The following DLG1 variants were observed in gnomAD, a reference collection of about 807,000 sequenced individuals.
DLG1 encodes the protein discs large MAGUK scaffold protein 1.
Under a neutral mutation model 123.4 loss-of-function variants are expected in DLG1, and 42 were observed. The observed-to-expected ratio is 0.34, with a 90% CI of 0.27 to 0.44. DLG1 has a LOEUF of 0.44. Among genes scored for constraint, DLG1 ranks in the 20% least tolerant of loss-of-function variants. The pLI is 1.00. For synonymous variants in DLG1, 317 were observed against 356.2 expected, an observed-to-expected ratio of 0.89 and a Z score of 1.24; for missense variants, 942 against 1,082.6, an observed-to-expected ratio of 0.87 and a Z score of 1.82.
chr3:197,147,689 AG>A (rs1404776537), intron 6 of DLG1, among the ~76,000 whole-genome samples: 4 of 152,078 alleles, frequency 2.6e-5, no homozygotes, highest in African/African-American at 9.7e-5. Context: ...GACTGGGGTG[AG>A]GGATAAAAGA....
In DLG1 at chr3:197,142,772, C is replaced by T. The variant is rs756566434; in HGVS notation, c.538-4G>A. 1.9e-6 allele frequency: 3 copies of T among 1,603,174 alleles called. No individual in the cohort carries two copies. Among genetic ancestry groups the T allele is most frequent in the South Asian group, 1.1e-5 (1 of 87,304 alleles). On this transcript the variant is annotated splice_polypyrimidine_tract_variant and splice_region_variant and intron_variant, in intron 6 of 24. Transcript: ENST00000667157. Reference sequence around the variant, plus strand: ...AATCTGCATCTGTGCCATTAACCTACAGGGGAAAAGAAAAGCAGCTCAGAA... The same window carrying T: ...AATCTGCATCTGTGCCATTAACCTATAGGGGAAAAGAAAAGCAGCTCAGAA...
At chr3:197,201,083 A>C (rs894308629) in intron 4 of DLG1, among the ~76,000 whole-genome samples, 19 of 152,316 alleles carry the variant, frequency 1.2e-4, no homozygotes, top group African/African-American at 3.6e-4. Context: ...TTTATCTAAA[A>C]AACTCTAAAG....
chr3:197,294,881 GTCTA>G (rs781676773), intron 3 of DLG1, among the ~76,000 whole-genome samples: 76 of 152,150 alleles, frequency 5.0e-4, no homozygotes, highest in Admixed American at 1.7e-3. Context: ...AAAGTCTGCA[GTCTA>G]TCTATCTGCC....
At chr3:197,277,119 T>C (rs946385666) in intron 4 of DLG1, among the ~76,000 whole-genome samples, 8 of 152,076 alleles carry the variant, frequency 5.3e-5, no homozygotes, top group African/African-American at 1.7e-4. Context: ...TTCGAACTTC[T>C]GAGCTTAAGC....
At position 197,140,121 on chromosome 3, in the gene DLG1, T is replaced by A. The variant is rs1371418344; in HGVS notation, c.713+19A>T. The stretch of plus-strand genomic sequence containing the variant: ...ACACAAAGTGGATTCAGCATCACAA[T>A]AAAAAGCGCAAAACATACCGCAATC... On this transcript the variant is annotated intron_variant, in intron 8 of 24. Coordinates refer to ENST00000667157, the MANE Select transcript of DLG1 (RefSeq NM_001366207.1). 3 of 1,607,234 alleles carry A rather than the reference T, an allele frequency of 1.9e-6. No homozygotes were observed. Among genetic ancestry groups the A allele is most frequent in the Admixed American group, 1.7e-5 (1 of 59,058 alleles).
chr3:197,186,820 C>T (rs566501283), intron 5 of DLG1, among the ~76,000 whole-genome samples: 1 of 152,256 alleles, frequency 6.6e-6, no homozygotes. Context: ...TCAATCCATG[C>T]TCCTGCCTCA....
At chr3:197,298,680 G>A, upstream of DLG1, 3 of 397,508 alleles carry the variant, frequency 7.5e-6, no homozygotes, top group Admixed American at 4.4e-5. Flanking sequence ...CGGGGAGGGC[G>A]GGGCCTGGGA....
chr3:197,129,514 T>C (rs892606617), intron 11 of DLG1, among the ~76,000 whole-genome samples: 3 of 152,234 alleles, frequency 2.0e-5, no homozygotes, highest in Non-Finnish European at 4.4e-5. Flanking sequence ...TCAGATTGTC[T>C]TGCTTTCTTA....
intron 4 of DLG1, among the ~76,000 whole-genome samples, chr3:197,253,736 A>C (rs1755543911): frequency 1.3e-5 from 2 of 152,162 alleles, no homozygotes; most frequent in South Asian, 4.1e-4. Flanking sequence ...AAAGGCCTCG[A>C]GTGATCTTTG....
chr3:197,105,484 A>G lies in DLG1; in HGVS notation c.1444-479T>C, dbSNP rs115826274. ...CTAAAACTTCCATTCTTTTGGTATA[A>G]TAGGAAAGCTATTATTTAGAAATAT... On this transcript the variant is annotated intron_variant, in intron 13 of 24. Transcript: ENST00000667157. Among the ~76,000 whole-genome samples the G allele has an allele frequency of 5.2e-3, 786 of 152,330 alleles. 7 individuals carry two copies. The highest frequency in any genetic ancestry group is 0.018 in the African/African-American group (741 of 41,582).
intron 4 of DLG1, among the ~76,000 whole-genome samples, chr3:197,248,742 T>A (rs1752975785): frequency 6.6e-6 from 1 of 151,872 alleles, no homozygotes; most frequent in Non-Finnish European, 1.5e-5. Flanking sequence ...TTATTTTTTG[T>A]ACCTAACAAC....
intron 4 of DLG1, among the ~76,000 whole-genome samples, chr3:197,281,599 TG>T (rs113905652): frequency 6.6e-6 from 1 of 152,064 alleles, no homozygotes; most frequent in African/African-American, 2.4e-5. Context: ...GAAAAAGTGA[TG>T]GAAAAAAAGT....
At chr3:197,188,882 T>TC (rs1461167072) in intron 5 of DLG1, among the ~76,000 whole-genome samples, 1 of 152,188 alleles carries the variant, frequency 6.6e-6, no homozygotes, top group African/African-American at 2.4e-5. Context: ...TTCCTTCAAT[T>TC]CCGGTTTTCT....
intron 22 of DLG1, 124 bp downstream of exon 22, chr3:197,065,148 ATTAT>A: frequency 1.2e-6 from 1 of 843,914 alleles, no homozygotes; most frequent in Non-Finnish European, 1.7e-6. Flanking sequence ...TGGAAAATTA[ATTAT>A]TTAGGTAAGC....
At chr3:197,180,735 T>G (rs910004116) in intron 5 of DLG1, among the ~76,000 whole-genome samples, 1 of 151,674 alleles carries the variant, frequency 6.6e-6, no homozygotes, top group African/African-American at 2.4e-5. Context: ...GTATGAAGAA[T>G]GGAGGGGAAG....
chr3:197,296,998 G>A (rs1474066137), intron 2 of DLG1, 188 bp downstream of exon 2: 3 of 643,658 alleles, frequency 4.7e-6, no homozygotes, highest in East Asian at 3.2e-5. Flanking sequence ...GAAATGTTAA[G>A]AAAGTTTAAC....
At chr3:197,102,806 C>T (rs748138691) in intron 14 of DLG1, among the ~76,000 whole-genome samples, 14 of 152,076 alleles carry the variant, frequency 9.2e-5, no homozygotes, top group South Asian at 2.1e-4. Context: ...TACAGTGAGC[C>T]GAGATTGTGC....
In DLG1 at chr3:197,058,276, C is replaced by T. The variant is rs559237809; in HGVS notation, c.2483+1613G>A. On this transcript the variant is annotated intron_variant, in intron 23 of 24. Transcript: ENST00000667157. ...ATTATAGGGGCCGGCCGTTGTGCCCCGCCTTCTTTTTCAGTTTCTCAAAAT... is the reference window on the plus strand; with the variant it reads ...ATTATAGGGGCCGGCCGTTGTGCCCTGCCTTCTTTTTCAGTTTCTCAAAAT... Among the ~76,000 whole-genome samples the T allele has an allele frequency of 5.1e-4, 78 of 152,222 alleles. No homozygotes were observed. The South Asian group carries it at 0.016, about 31-fold the overall frequency.
chr3:197,225,252 C>T (rs748934244), intron 4 of DLG1, among the ~76,000 whole-genome samples: 3 of 152,162 alleles, frequency 2.0e-5, no homozygotes, highest in Non-Finnish European at 1.5e-5. Context: ...TAAAAATGCA[C>T]CCGCTCTTTG....
Sources: allele counts gnomAD v4.1 joint callset (sites outside exome capture counted in the v4.1 genomes callset), GRCh38; gene constraint gnomAD v4.1.1; transcripts MANE v1.5; gene names NCBI Gene and HGNC (gene_info 2026-07-23, HGNC 2026-07-21).